SSPN: variants seen among roughly 807,000 people sequenced by gnomAD.
SSPN encodes the protein sarcospan.
SSPN carries 15 observed loss-of-function variants against 19.1 expected under a neutral mutation model. The ratio of observed to expected loss-of-function variants is 0.78; its 90% CI spans 0.52 to 1.21. SSPN has a LOEUF of 1.21. Among genes scored for constraint, SSPN ranks in the 50% most tolerant of loss-of-function variants. SSPN has a pLI of 0.00. For synonymous variants in SSPN, 147 were observed against 140.3 expected (o/e 1.05, Z -0.34); for missense variants, 291 against 314.0 (o/e 0.93, Z 0.55).
intron 1 of SSPN, among the ~76,000 whole-genome samples, chr12:26,202,944 G>C (rs146599991): frequency 1.3e-5 from 2 of 152,176 alleles, no homozygotes; most frequent in Admixed American, 6.5e-5. Flanking sequence ...GGCTGAGGAG[G>C]CCTCAGGAAA....
intron 1 of SSPN, among the ~76,000 whole-genome samples, chr12:26,171,951 C>A (rs1944656023): frequency 6.6e-6 from 1 of 152,176 alleles, no homozygotes; most frequent in African/African-American, 2.4e-5. Context: ...AACATGCCAA[C>A]CTTAATTTTC....
In SSPN at chr12:26,232,010, A is replaced by G; in HGVS notation, c.*934A>G. The G allele has an allele frequency of 1.0e-6, 1 of 984,944 alleles. No homozygotes were observed. Among genetic ancestry groups the G allele is most frequent in the Non-Finnish European group, 1.2e-6 (1 of 829,558 alleles). The allele number at this position is 984,944 out of a possible 1,614,324, so 61.0% of individuals were successfully genotyped here. On this transcript the variant is annotated 3_prime_UTR_variant, in exon 3 of 3. Coordinates refer to ENST00000242729, the MANE Select transcript of SSPN (RefSeq NM_005086.5). The stretch of plus-strand genomic sequence containing the variant: ...TCTGAAAGCCAAGCACCACAAGGAA[A>G]AAAAAAATTATTAATAGCTCAGGTT...
intron 1 of SSPN, among the ~76,000 whole-genome samples, chr12:26,175,118 A>C (rs2137436112): frequency 6.6e-6 from 1 of 152,338 alleles, no homozygotes; most frequent in African/African-American, 2.4e-5. Flanking sequence ...TTAAGAAATT[A>C]CCAAACTCTT....
intron 2 of SSPN, among the ~76,000 whole-genome samples, chr12:26,226,955 G>C (rs1945182858): frequency 6.6e-6 from 1 of 152,076 alleles, no homozygotes; most frequent in Non-Finnish European, 1.5e-5. Context: ...GAGCGGAGAC[G>C]CGCCCGGGCG....
At chr12:26,199,152 A>G (rs558607438) in intron 1 of SSPN, among the ~76,000 whole-genome samples, 3 of 152,316 alleles carry the variant, frequency 2.0e-5, no homozygotes, top group Admixed American at 2.0e-4. Flanking sequence ...ATATGGGTAA[A>G]TCCACTTAGG....
chr12:26,222,242 C>T (rs567317301), intron 1 of SSPN, among the ~76,000 whole-genome samples: 6 of 152,246 alleles, frequency 3.9e-5, no homozygotes, highest in Non-Finnish European at 7.4e-5. Flanking sequence ...GATGGAAAAC[C>T]CTGGAAACAG....
At chr12:26,180,010 T>C (rs1944709350) in intron 1 of SSPN, 1 of 145,490 alleles carries the variant, frequency 6.9e-6, no homozygotes, top group East Asian at 2.1e-4. Flanking sequence ...CGGTTTGCCC[T>C]GGCTTGAGGA....
chr12:26,122,447 A>G lies in SSPN; in HGVS notation c.-31+295A>G. On this transcript the variant is annotated intron_variant, in intron 1 of 2. Transcript: ENST00000538142. The stretch of plus-strand genomic sequence containing the variant: ...GCTGCACGTAGGCGGCAGCTGCAGA[A>G]GGCGAGAGGAAGCAGAAGGGCAGGC... 6 of 1,355,258 alleles carry G rather than the reference A, an allele frequency of 4.4e-6. No individual in the cohort carries two copies. The South Asian group carries it at 8.2e-5, about 19-fold the overall frequency. The allele number at this position is 1,355,258 out of a possible 1,614,324, so 84.0% of individuals were successfully genotyped here. A position where few individuals can be genotyped will look rare whatever the true frequency, so the allele number is the denominator to read the frequency against.
At chr12:26,189,000 A>G (rs555438980) in intron 1 of SSPN, among the ~76,000 whole-genome samples, 7 of 152,302 alleles carry the variant, frequency 4.6e-5, no homozygotes, top group African/African-American at 1.4e-4. Flanking sequence ...CTTTAGAGAA[A>G]GAAGATCTAG....
chr12:26,226,624 C>A (rs1945179263), intron 2 of SSPN, among the ~76,000 whole-genome samples: 1 of 152,138 alleles, frequency 6.6e-6, no homozygotes, highest in Non-Finnish European at 1.5e-5. Flanking sequence ...GCCTCTCTGC[C>A]TCTGGGCTTG....
At chr12:26,141,868 T>G (rs540163895) in intron 1 of SSPN, among the ~76,000 whole-genome samples, 1 of 152,006 alleles carries the variant, frequency 6.6e-6, no homozygotes, top group Non-Finnish European at 1.5e-5. Flanking sequence ...AGAAGATGAG[T>G]AAAGCAATGA....
intron 1 of SSPN, among the ~76,000 whole-genome samples, chr12:26,163,771 C>T (rs933500922): frequency 6.6e-6 from 1 of 152,158 alleles, no homozygotes; most frequent in Non-Finnish European, 1.5e-5. Flanking sequence ...GAGATAAAGA[C>T]ATTCAAACCA....
intron 1 of SSPN, chr12:26,126,557 G>C (rs1746769838): frequency 6.6e-6 from 1 of 152,198 alleles, no homozygotes; most frequent in Non-Finnish European, 1.5e-5. Flanking sequence ...TTCCGGGGAC[G>C]GATCTGGGTC....
At chr12:26,123,356 G>A (rs1275562263) in intron 1 of SSPN, among the ~76,000 whole-genome samples, 2 of 152,184 alleles carry the variant, frequency 1.3e-5, no homozygotes, top group Non-Finnish European at 2.9e-5. Context: ...TGCGGAGCGG[G>A]GAGAGGGCGC....
At chr12:26,193,670 C>T (rs1242486864), upstream of SSPN, among the ~76,000 whole-genome samples, 1 of 152,188 alleles carries the variant, frequency 6.6e-6, no homozygotes, top group Non-Finnish European at 1.5e-5. Context: ...CAATAGAAAG[C>T]CCTTGTGGTG....
chr12:26,136,667 A>G (rs1458993063), intron 1 of SSPN, among the ~76,000 whole-genome samples: 1 of 152,216 alleles, frequency 6.6e-6, no homozygotes. Context: ...AGGTAAACCT[A>G]TTGCTTTCCA....
chr12:26,146,586 G>A (rs1202129056), intron 1 of SSPN, among the ~76,000 whole-genome samples: 1 of 152,078 alleles, frequency 6.6e-6, no homozygotes, highest in Non-Finnish European at 1.5e-5. Context: ...TGGCCTTCAG[G>A]CAAAGACAGG....
At chr12:26,168,393 C>T (rs1944634166) in intron 1 of SSPN, among the ~76,000 whole-genome samples, 1 of 152,120 alleles carries the variant, frequency 6.6e-6, no homozygotes, top group Admixed American at 6.5e-5. Context: ...ATCCACCCCG[C>T]CCAGTGTTCG....
intron 1 of SSPN, chr12:26,124,640 G>C: frequency 6.2e-7 from 1 of 1,610,892 alleles, no homozygotes; most frequent in African/African-American, 1.3e-5. Context: ...GCCCTCGCCA[G>C]CTCCATACCA....
Sources: gnomAD v4.1 joint callset for allele counts (sites outside exome capture counted in the v4.1 genomes callset) on GRCh38, gnomAD v4.1.1 for gene constraint, MANE v1.5 for transcripts, NCBI Gene and HGNC (gene_info 2026-07-23, HGNC 2026-07-21) for gene names.